PRDM15: variants seen among roughly 807,000 people sequenced by gnomAD.
PRDM15 encodes PR/SET domain 15, also known as PR domain zinc finger protein 15.
PRDM15 carries 64 observed loss-of-function variants against 128.6 expected under a neutral mutation model. The observed-to-expected ratio is 0.50, with a 90% confidence interval of 0.41 to 0.61. The LOEUF is 0.61. Ranked by LOEUF, PRDM15 falls within the 20% of genes least tolerant of loss-of-function variation. The probability of loss-of-function intolerance (pLI) is 0.00; values close to 1 mark genes in which losing one functional copy is unlikely to be tolerated. For missense variants in PRDM15, 1,242 were observed against 1,569.1 expected (o/e 0.79, Z 3.52); for synonymous variants, 615 against 621.8 (o/e 0.99, Z 0.16).
At chr21:41,834,853 C>T (rs1029568765) in intron 11 of PRDM15, among the ~76,000 whole-genome samples, 5 of 152,258 alleles carry the variant, frequency 3.3e-5, no homozygotes, top group Non-Finnish European at 2.9e-5. Context: ...CCGAAGAGGC[C>T]ACCTCTCCAC....
chr21:41,828,358 C>CA lies in PRDM15; in HGVS notation c.1367-26dup. ...TCTGTCCAGAGAGCAAACAAACACA[C>CA]AACGATTTTGAGGTAAATAACATCT... On this transcript the variant is annotated intron_variant, in intron 11 of 23. Transcript: ENST00000398548. The surrounding 1 kb of genome is among the most constrained non-coding windows in gnomAD (Gnocchi z 5.7). 6.2e-7 allele frequency: 1 copy of CA among 1,612,544 alleles called. No homozygotes were observed. Among genetic ancestry groups the CA allele is most frequent in the South Asian group, 1.1e-5 (1 of 91,072 alleles).
intron 1 of PRDM15, among the ~76,000 whole-genome samples, chr21:41,864,936 G>A (rs1222944082): frequency 2.9e-5 from 4 of 136,824 alleles, no homozygotes; most frequent in Non-Finnish European, 6.1e-5. Flanking sequence ...GCTGGGTCCT[G>A]CCTCTGGGCC....
intron 1 of PRDM15, among the ~76,000 whole-genome samples, chr21:41,875,255 C>T (rs1054251098): frequency 2.6e-5 from 4 of 152,270 alleles, no homozygotes; most frequent in African/African-American, 9.6e-5. Context: ...CCTAGACCTC[C>T]GTCCCTCTAC....
chr21:41,857,045 C>T, intron 4 of PRDM15, 131 bp downstream of exon 4: 3 of 767,816 alleles, frequency 3.9e-6, no homozygotes, highest in Middle Eastern at 3.5e-4. Flanking sequence ...TTAAGCAGAC[C>T]TACAATATTT....
In PRDM15 at chr21:41,820,928, G is replaced by A. The variant is rs116266365; in HGVS notation, c.2060+139C>T. 1.9e-3 allele frequency: 2,122 copies of A among 1,098,578 alleles called. 29 individuals are homozygous for A. The African/African-American group carries it at 0.029, about 15-fold the overall frequency. 68.1% of individuals were successfully genotyped at this position (1,098,578 alleles called of 1,614,324 possible). Reference sequence around the variant, plus strand: ...CCCAGCTGCCCCCGAGCCCTGCTGCGCCCCCAGCTCTGGCCCTGAGACCCA... The same window carrying A: ...CCCAGCTGCCCCCGAGCCCTGCTGCACCCCCAGCTCTGGCCCTGAGACCCA... On this transcript the variant is annotated intron_variant, in intron 16 of 23. Transcript: ENST00000398548.
Position 41,819,682 on chromosome 21 carries a change from G to T in PRDM15, c.2160C>A (p.Cys720Ter). Residue 720 changes from cysteine to a stop codon, truncating the protein, a stop_gained, in exon 18 of 24, where the codon TGC becomes TGA. Transcript: ENST00000398548. LOFTEE classifies it high-confidence loss of function. ...TGGCAAAGGACTTCCCACACTGCTC[G>T]CAGGCGTGGCTCTTCACACCTGAGA... Reference protein sequence around the residue: ...LIHTGVKSHACEQCGKSFARK... With the variant: ...LIHTGVKSHA 6.2e-7 allele frequency: 1 copy of T among 1,604,738 alleles called. No homozygotes were observed.
At chr21:41,806,394 TCAC>T (rs1568882531) in intron 21 of PRDM15, among the ~76,000 whole-genome samples, 17 of 25,020 alleles carry the variant, frequency 6.8e-4, no homozygotes, top group Middle Eastern at 0.045. Flanking sequence ...ACCACCACCA[TCAC>T]CACCACCACC....
chr21:41,815,874 C>T (rs372294415), intron 18 of PRDM15, 38 bp from the exon 19 acceptor site: 6 of 1,606,540 alleles, frequency 3.7e-6, no homozygotes, highest in Non-Finnish European at 3.4e-6. Flanking sequence ...GCCACACCCC[C>T]ACGCAGCCCA....
At chr21:41,829,189 CCACA>C (rs1182091393) in intron 11 of PRDM15, among the ~76,000 whole-genome samples, 20 of 148,672 alleles carry the variant, frequency 1.3e-4, no homozygotes, top group African/African-American at 4.5e-4. Flanking sequence ...CATACACACA[CCACA>C]CACACATACA....
At position 41,854,819 on chromosome 21, in the gene PRDM15, C is replaced by T. The variant is rs760564544; in HGVS notation, c.286-1G>A. Reference sequence around the variant, plus strand: ...CGGGGTGCCCGTCCTTCTGGAACACCTGAAGGTGAGTCGGCCCATGGAGAA... The same window carrying T: ...CGGGGTGCCCGTCCTTCTGGAACACTTGAAGGTGAGTCGGCCCATGGAGAA... On this transcript the variant is annotated splice_acceptor_variant, in intron 4 of 23. Transcript: ENST00000398548. LOFTEE classifies it high-confidence loss of function. The surrounding 1 kb of genome is among the most constrained non-coding windows in gnomAD (Gnocchi z 4.6). 3 of 1,598,176 alleles carry T rather than the reference C, an allele frequency of 1.9e-6. No individual in the cohort carries two copies. The highest frequency in any genetic ancestry group is 2.2e-5 in the East Asian group (1 of 44,470).
chr21:41,821,794 G>A lies in PRDM15; in HGVS notation c.1896+109C>T, dbSNP rs2062277989. On this transcript the variant is annotated intron_variant, in intron 15 of 23. Transcript: ENST00000398548. The surrounding 1 kb of genome is among the most constrained non-coding windows in gnomAD (Gnocchi z 5.4). ...ACTGGCCGGAGCCTTTGGGGAGGGA[G>A]GGCTGCTTCCGAGATGCATGAAGGT... is the stretch of plus-strand genomic sequence containing the variant. 5.9e-6 allele frequency: 8 copies of A among 1,367,216 alleles called. No individual in the cohort carries two copies. Among genetic ancestry groups the A allele is most frequent in the South Asian group, 1.2e-5 (1 of 80,122 alleles). 84.7% of individuals were successfully genotyped at this position (1,367,216 alleles called of 1,614,324 possible).
chr21:41,836,230 G>C (rs1159158087), intron 9 of PRDM15, 23 bp from the exon 10 acceptor site: 1 of 1,598,478 alleles, frequency 6.3e-7, no homozygotes, highest in Admixed American at 1.7e-5. Flanking sequence ...CCAACAGAGA[G>C]CTCATTCACT....
At chr21:41,874,443 A>C (rs1221933091) in intron 1 of PRDM15, among the ~76,000 whole-genome samples, 1 of 151,426 alleles carries the variant, frequency 6.6e-6, no homozygotes, top group Non-Finnish European at 1.5e-5. Context: ...GTGGTGCTAA[A>C]ATAACATTTA....
rs1490384250 is a variant in PRDM15, at chr21:41,839,687, C to A, written c.807G>T (p.Gly269=). Reference sequence around the variant, plus strand: ...CAGCTTTGGACACTTTGGGTTTTCTCCCCCTTCGAGGCTTTTTCTTCTGTT... The same window carrying A: ...CAGCTTTGGACACTTTGGGTTTTCTACCCCTTCGAGGCTTTTTCTTCTGTT... ...TKEQKKKPRR[G]RKPKVSKAEQ... The change falls in exon 7 of 24, where the codon GGG becomes GGT. Residue 269 remains glycine (G), a synonymous_variant. Transcript: ENST00000398548. The A allele has an allele frequency of 1.2e-6, 2 of 1,614,274 alleles. No homozygotes were observed. Among genetic ancestry groups the A allele is most frequent in the Non-Finnish European group, 1.7e-6 (2 of 1,180,056 alleles).
Position 41,836,531 on chromosome 21 carries a change from A to G in PRDM15, c.1120T>C (p.Cys374Arg). The G allele has an allele frequency of 6.2e-7, 1 of 1,612,752 alleles. No individual in the cohort carries two copies. The highest frequency in any genetic ancestry group is 8.5e-7 in the Non-Finnish European group (1 of 1,179,950). Residue 374 changes from cysteine to arginine, a missense_variant, in exon 9 of 24, where the codon TGC (cysteine) becomes CGC (arginine). Around this residue, in one of 3 missense-constraint regions of PRDM15, gnomAD observed 612 missense variants for 717.0 expected, o/e 0.85. Transcript: ENST00000398548. Reference protein sequence around the residue: ...QLGEHKRVYQCNICSKIFQNS... With the variant: ...QLGEHKRVYQRNICSKIFQNS... ...TGGAAGATCTTGCTGCAGATATTGC[A>G]CTGGTAAACCCGCTTGTGCTCCCCG...
Position 41,839,791 on chromosome 21 carries a change from C to T in PRDM15, c.703G>A (p.Ala235Thr), listed in dbSNP as rs2063016489. ...GTGTCCTGCTCCTTCTCGGGAGCTG[C>T]TGCCTCGCTTTGGCTGCCTGGAGGA... ...SLPPGSQSEA[A>T]APEKEQDTPR... Residue 235 changes from alanine to threonine, a missense_variant, in exon 7 of 24, where the codon GCA becomes ACA. Ala to Thr is a moderately conservative substitution (Grantham distance 58, BLOSUM62 0). Around this residue, in one of 3 missense-constraint regions of PRDM15, gnomAD observed 612 missense variants for 717.0 expected, o/e 0.85. Transcript: ENST00000398548. The T allele has an allele frequency of 6.2e-7, 1 of 1,614,128 alleles. No individual in the cohort carries two copies. Among genetic ancestry groups the T allele is most frequent in the Non-Finnish European group, 8.5e-7 (1 of 1,180,052 alleles).
chr21:41,833,102 G>T (rs1039090798), intron 11 of PRDM15, among the ~76,000 whole-genome samples: 1 of 152,230 alleles, frequency 6.6e-6, no homozygotes, highest in African/African-American at 2.4e-5. Flanking sequence ...GGGATGGAGA[G>T]GGGATTATTG....
intron 1 of PRDM15, chr21:41,878,714 A>ACG: frequency 1.3e-6 from 2 of 1,554,874 alleles, no homozygotes; most frequent in Non-Finnish European, 1.7e-6. Flanking sequence ...GCTTCTCTAA[A>ACG]CGCGGGGTTG....
At chr21:41,875,991 G>A (rs960369615) in intron 1 of PRDM15, among the ~76,000 whole-genome samples, 1 of 152,136 alleles carries the variant, frequency 6.6e-6, no homozygotes. Flanking sequence ...CGACTCCTAG[G>A]CTGCAAACCT....
Sources: gnomAD v4.1 joint callset for allele counts (sites outside exome capture counted in the v4.1 genomes callset) on GRCh38, gnomAD v4.1.1 for gene constraint, gnomAD v4.1.1 regional missense constraint, Gnocchi (gnomAD v3.1) non-coding constraint, MANE v1.5 for transcripts, NCBI Gene and HGNC (gene_info 2026-07-23, HGNC 2026-07-21) for gene names.